The following LRRC40 variants were observed in gnomAD, a reference collection of about 807,000 sequenced individuals.
LRRC40 encodes the protein leucine-rich repeat-containing protein 40.
A neutral mutation model predicts 72.8 loss-of-function variants in LRRC40; 76 were observed. The ratio of observed to expected loss-of-function variants is 1.04; its 90% CI spans 0.87 to 1.26. The LOEUF (loss-of-function observed/expected upper bound fraction) is 1.26. LRRC40 is among the 50% of genes most tolerant of loss of function. The pLI is 0.00. For synonymous variants in LRRC40, 243 were observed against 254.2 expected, an observed-to-expected ratio of 0.96 and a Z score of 0.42; for missense variants, 684 against 698.9, an observed-to-expected ratio of 0.98 and a Z score of 0.24.
chr1:70,151,039 C>A lies in LRRC40; in HGVS notation c.1517+89G>T, dbSNP rs578009371. On this transcript the variant is annotated intron_variant, in intron 13 of 14. Transcript: ENST00000370952. The stretch of plus-strand genomic sequence containing the variant: ...GGATATTGAAATAAAGTAGAAGGGG[C>A]CTTTTTGTTTTTTTGGCTTTTGTTT... 406 of 644,822 alleles carry A rather than the reference C, an allele frequency of 6.3e-4. 1 individual carries two copies. Among genetic ancestry groups the A allele is most frequent in the Non-Finnish European group, 1.0e-3 (367 of 362,816 alleles). 39.9% of individuals were successfully genotyped at this position (644,822 alleles called of 1,614,324 possible).
intron 10 of LRRC40, 29 bp downstream of exon 10, chr1:70,159,301 A>C: frequency 9.3e-7 from 1 of 1,074,348 alleles, no homozygotes; most frequent in Non-Finnish European, 1.3e-6. Context: ...CTATCTCTAT[A>C]AAAATAAAAA....
intron 6 of LRRC40, among the ~76,000 whole-genome samples, chr1:70,176,688 G>A (rs2100295746): frequency 6.6e-6 from 1 of 152,076 alleles, no homozygotes; most frequent in African/African-American, 2.4e-5. Context: ...AACAACAAGT[G>A]TTTAAACTGT....
At chr1:70,173,348 T>C in intron 9 of LRRC40, 117 bp downstream of exon 9, 1 of 696,734 alleles carries the variant, frequency 1.4e-6, no homozygotes, top group Admixed American at 2.5e-5. Flanking sequence ...GAGCCACACA[T>C]GCCAGGATCT....
intron 14 of LRRC40, among the ~76,000 whole-genome samples, chr1:70,146,859 TATA>T (rs1667313946): frequency 6.6e-6 from 1 of 152,216 alleles, no homozygotes; most frequent in African/African-American, 2.4e-5. Context: ...TGTTTCATTA[TATA>T]ATAAAATATC....
chr1:70,147,895 G>A (rs1456035448), intron 14 of LRRC40: 1 of 151,902 alleles, frequency 6.6e-6, no homozygotes, highest in Non-Finnish European at 1.5e-5. Flanking sequence ...TTAGGCACTG[G>A]GACAACTCTT....
At chr1:70,199,740 T>C (rs1055217219) in intron 1 of LRRC40, among the ~76,000 whole-genome samples, 1 of 152,198 alleles carries the variant, frequency 6.6e-6, no homozygotes, top group African/African-American at 2.4e-5. Context: ...ATGTTATCAG[T>C]AAGGCTTCTA....
At chr1:70,156,784 G>C (rs1667647451) in intron 10 of LRRC40, among the ~76,000 whole-genome samples, 1 of 152,084 alleles carries the variant, frequency 6.6e-6, no homozygotes, top group East Asian at 1.9e-4. Context: ...ACAGAGGGCA[G>C]GTCAGAGAGG....
intron 10 of LRRC40, among the ~76,000 whole-genome samples, chr1:70,159,072 A>G (rs1473244663): frequency 1.3e-5 from 2 of 152,016 alleles, no homozygotes; most frequent in South Asian, 2.1e-4. Flanking sequence ...TTATTACTCT[A>G]AGTCAAGTAC....
At chr1:70,192,722 A>G (rs994890687) in intron 1 of LRRC40, among the ~76,000 whole-genome samples, 1 of 152,142 alleles carries the variant, frequency 6.6e-6, no homozygotes. Flanking sequence ...AAGAAAACAA[A>G]ATACTGTATG....
At chr1:70,152,781 T>C (rs983463835) in intron 11 of LRRC40, among the ~76,000 whole-genome samples, 1 of 152,178 alleles carries the variant, frequency 6.6e-6, no homozygotes, top group African/African-American at 2.4e-5. Context: ...TATATATACA[T>C]TAAAGTTTCA....
At chr1:70,189,900 T>C (rs1668454690) in intron 1 of LRRC40, among the ~76,000 whole-genome samples, 1 of 152,252 alleles carries the variant, frequency 6.6e-6, no homozygotes, top group Non-Finnish European at 1.5e-5. Flanking sequence ...AGTGCTATAC[T>C]GTCTTGCTTT....
At chr1:70,205,313 C>T (rs905851996) in intron 1 of LRRC40, 77 bp downstream of exon 1, 8 of 1,390,812 alleles carry the variant, frequency 5.8e-6, no homozygotes, top group East Asian at 2.3e-5. Context: ...CCAAAGCCAG[C>T]CCAGAGAAAA....
intron 3 of LRRC40, among the ~76,000 whole-genome samples, chr1:70,186,497 C>A (rs1668361692): frequency 6.6e-6 from 1 of 152,048 alleles, no homozygotes; most frequent in African/African-American, 2.4e-5. Context: ...GACTATTTTC[C>A]CTCAAACCAG....
chr1:70,179,449 T>G (rs1668193904), intron 5 of LRRC40, among the ~76,000 whole-genome samples: 1 of 152,170 alleles, frequency 6.6e-6, no homozygotes. Flanking sequence ...ATCATGTCAT[T>G]GCACCCCAGC....
At chr1:70,180,608 A>G (rs1398988596) in intron 5 of LRRC40, among the ~76,000 whole-genome samples, 1 of 152,180 alleles carries the variant, frequency 6.6e-6, no homozygotes, top group East Asian at 1.9e-4. Flanking sequence ...TTTGATGGCA[A>G]ATTTTAACAG....
chr1:70,189,008 T>C, intron 2 of LRRC40, 84 bp downstream of exon 2: 3 of 1,184,902 alleles, frequency 2.5e-6, no homozygotes, highest in Non-Finnish European at 2.4e-6. Flanking sequence ...CAACTCAACA[T>C]GAAAGGTTTT....
chr1:70,157,225 C>A (rs1667657381), intron 10 of LRRC40, among the ~76,000 whole-genome samples: 1 of 152,124 alleles, frequency 6.6e-6, no homozygotes, highest in African/African-American at 2.4e-5. Context: ...GCTTTAGCAT[C>A]CCATTTTCTT....
intron 3 of LRRC40, 76 bp downstream of exon 3, chr1:70,187,189 G>A (rs2100324032): frequency 2.8e-6 from 2 of 709,190 alleles, no homozygotes; most frequent in Middle Eastern, 2.7e-4. Context: ...TATTTTTAAT[G>A]TTGAGAAAAT....
At chr1:70,199,704 T>A (rs1172944491) in intron 1 of LRRC40, among the ~76,000 whole-genome samples, 1 of 152,338 alleles carries the variant, frequency 6.6e-6, no homozygotes, top group South Asian at 2.1e-4. Context: ...ACATATAATA[T>A]ACAAATATAT....
Sources: gnomAD v4.1 joint callset for allele counts (sites outside exome capture counted in the v4.1 genomes callset) on GRCh38, gnomAD v4.1.1 for gene constraint, MANE v1.5 for transcripts, NCBI Gene and HGNC (gene_info 2026-07-23, HGNC 2026-07-21) for gene names.